CCZ1: variants seen among roughly 807,000 people sequenced by gnomAD.
CCZ1 encodes the protein CCZ1 vacuolar protein trafficking and biogenesis associated.
A neutral mutation model predicts 57.8 loss-of-function variants in CCZ1; 19 were observed. The ratio of observed to expected loss-of-function variants is 0.33; its 90% CI spans 0.23 to 0.48. The LOEUF is 0.48. Among genes scored for constraint, CCZ1 ranks in the 20% least tolerant of loss-of-function variants. The probability of loss-of-function intolerance (pLI) is 0.99; values close to 1 mark genes in which losing one functional copy is unlikely to be tolerated. For missense variants in CCZ1, 200 were observed against 492.0 expected (o/e 0.41, Z 5.61); for synonymous variants, 81 against 167.0 (o/e 0.49, Z 3.97).
chr7:5,901,515 T>G (rs1306398785), intron 4 of CCZ1, 142 bp from the exon 5 acceptor site: 12 of 1,339,236 alleles, frequency 9.0e-6, no homozygotes, highest in Non-Finnish European at 1.9e-6. Context: ...GCAAACACTT[T>G]TTTTTCAGCA....
intron 8 of CCZ1, among the ~76,000 whole-genome samples, chr7:5,910,822 G>A (rs930847512): frequency 1.4e-5 from 2 of 146,950 alleles, no homozygotes; most frequent in African/African-American, 5.1e-5. Flanking sequence ...TGCAACTTCC[G>A]CTTCCTGGAT....
At chr7:5,904,088 AT>A (rs746657675) in intron 6 of CCZ1, among the ~76,000 whole-genome samples, 56 of 84,494 alleles carry the variant, frequency 6.6e-4, no homozygotes, top group Admixed American at 7.5e-4. Flanking sequence ...CAGGGAGTTA[AT>A]TTTTTTTTTT....
At position 5,925,626 on chromosome 7, in the gene CCZ1, T is replaced by TCTTC; in HGVS notation, c.1394-6_1394-5insCTTC. 1 of 1,610,530 alleles carries TCTTC rather than the reference T, an allele frequency of 6.2e-7. No individual in the cohort carries two copies. The highest frequency in any genetic ancestry group is 8.5e-7 in the Non-Finnish European group (1 of 1,177,682). ...TTCCTTCCTCACTGTTGTGTCCTTG[T>TCTTC]TGCAGAAGAGGTCAAGAAACTTTGT... On this transcript the variant is annotated splice_region_variant and splice_polypyrimidine_tract_variant and intron_variant, in intron 14 of 14. Transcript: ENST00000325974.
intron 10 of CCZ1, among the ~76,000 whole-genome samples, chr7:5,916,607 G>A (rs1487117465): frequency 2.1e-5 from 3 of 146,274 alleles, no homozygotes; most frequent in Non-Finnish European, 4.5e-5. Flanking sequence ...AGCCCAGTGA[G>A]TGTTTCCCCA....
rs4036238 is a variant in CCZ1 at position 5,912,377 on chromosome 7, CTTTTTTTTTTTTTTTTTTTT to C, written c.843-452_843-433del. Among the ~76,000 whole-genome samples, 6 of 54,702 alleles carry C rather than the reference CTTTTTTTTTTTTTTTTTTTT, an allele frequency of 1.1e-4. No homozygotes were observed. The East Asian group carries it at 1.8e-3, about 16-fold the overall frequency. The allele number at this position is 54,702 out of a possible 152,430, so 35.9% of individuals were successfully genotyped here. A position where few individuals can be genotyped will look rare whatever the true frequency, so the allele number is the denominator to read the frequency against. On this transcript the variant is annotated intron_variant, in intron 9 of 14. Coordinates refer to ENST00000325974, the MANE Select transcript of CCZ1 (RefSeq NM_015622.6). ...GAGTTAAAACTTACTTCAGCATACCCTTTTTTTTTTTTTTTTTTTTTTTTTTTTTTTTTGAGATGGAGTGT... is the reference window on the plus strand; with the variant it reads ...GAGTTAAAACTTACTTCAGCATACCCTTTTTTTTTTTTTGAGATGGAGTGT...
intron 5 of CCZ1, chr7:5,902,423 T>C (rs1233006765): frequency 1.7e-6 from 1 of 596,274 alleles, no homozygotes; most frequent in African/African-American, 2.0e-5. Context: ...TAAGTTGAAA[T>C]TTTTGAAAGA....
At chr7:5,909,066 TC>T (rs1339206268) in intron 7 of CCZ1, among the ~76,000 whole-genome samples, 2 of 144,934 alleles carry the variant, frequency 1.4e-5, no homozygotes, top group Non-Finnish European at 3.0e-5. Context: ...TCCTGCATAA[TC>T]CTACACGGAA....
At chr7:5,916,505 G>GTTT (rs113216947) in intron 10 of CCZ1, among the ~76,000 whole-genome samples, 2 of 43,364 alleles carry the variant, frequency 4.6e-5, no homozygotes, top group African/African-American at 6.7e-5. Flanking sequence ...TTTGTTTTTT[G>GTTT]TTTTTTTTTT....
intron 6 of CCZ1, 126 bp from the exon 7 acceptor site, chr7:5,904,968 G>C: frequency 2.4e-6 from 3 of 1,275,294 alleles, no homozygotes; most frequent in Non-Finnish European, 3.2e-6. Flanking sequence ...CCTCATTGTT[G>C]CGCTGTTTGC....
At chr7:5,910,745 T>C (rs1781955527) in intron 8 of CCZ1, among the ~76,000 whole-genome samples, 1 of 146,678 alleles carries the variant, frequency 6.8e-6, no homozygotes, top group African/African-American at 2.5e-5. Context: ...TTTATTTATT[T>C]ATTTATTGGG....
At chr7:5,915,050 C>T (rs1180855521) in intron 10 of CCZ1, among the ~76,000 whole-genome samples, 1 of 148,006 alleles carries the variant, frequency 6.8e-6, no homozygotes, top group African/African-American at 2.5e-5. Flanking sequence ...ACAAGGAAAT[C>T]TTGGGGTGAT....
At chr7:5,901,743 C>T in intron 5 of CCZ1, 39 bp downstream of exon 5, 1 of 1,595,666 alleles carries the variant, frequency 6.3e-7, no homozygotes. Context: ...AGTCCAGCCA[C>T]TTACCCCTAT....
chr7:5,910,794 A>G (rs1488952906), intron 8 of CCZ1, among the ~76,000 whole-genome samples: 13 of 147,326 alleles, frequency 8.8e-5, no homozygotes, highest in East Asian at 4.5e-4. Flanking sequence ...GGAGTGCAGT[A>G]GTGCAATCTC....
chr7:5,910,719 TTTATTTA>T (rs1562542028), intron 8 of CCZ1, among the ~76,000 whole-genome samples: 1,398 of 91,388 alleles, frequency 0.015, 69 homozygotes, highest in Non-Finnish European at 0.022. Flanking sequence ...TATTTATTTA[TTTATTTA>T]TTTATTTATT....
chr7:5,910,564 G>A lies in CCZ1; in HGVS notation c.780+448G>A, dbSNP rs1034080934. Among the ~76,000 whole-genome samples, 3 of 145,510 alleles carry A rather than the reference G, an allele frequency of 2.1e-5. 1 individual carries two copies. On this transcript the variant is annotated intron_variant, in intron 8 of 14. Coordinates refer to ENST00000325974, the MANE Select transcript of CCZ1 (RefSeq NM_015622.6). ...GCTGGTCTCGAACTCCTGACCTTGT[G>A]ATCTGCCCACCTTGGCCTCCCAAAG...
chr7:5,905,176 C>A lies in CCZ1; in HGVS notation c.605C>A (p.Thr202Asn). 2 of 1,575,472 alleles carry A rather than the reference C, an allele frequency of 1.3e-6. No individual in the cohort carries two copies. The highest frequency in any genetic ancestry group is 8.6e-7 in the Non-Finnish European group (1 of 1,161,310). ...AGCTTCTTCCCGTTGGATAAAATGA[C>A]TTATTTGAAAATCCAGTCCTTTATT... is the stretch of plus-strand genomic sequence containing the variant. The part of the protein sequence containing the change: ...GISFFPLDKM[T>N]YLKIQSFINR... Residue 202 changes from threonine (T) to asparagine (N), a missense_variant, in exon 7 of 15, where the codon ACT (threonine) becomes AAT (asparagine). Thr to Asn is a moderately conservative substitution (Grantham distance 65, BLOSUM62 0). Coordinates refer to ENST00000325974, the MANE Select transcript of CCZ1 (RefSeq NM_015622.6).
At chr7:5,900,717 T>C in intron 3 of CCZ1, 138 bp from the exon 4 acceptor site, 1 of 1,498,972 alleles carries the variant, frequency 6.7e-7, no homozygotes. Context: ...GTTCTTCCTA[T>C]TTGCTTTATT....
intron 5 of CCZ1, chr7:5,902,431 A>G: frequency 1.5e-6 from 1 of 648,752 alleles, no homozygotes; most frequent in Non-Finnish European, 2.2e-6. Flanking sequence ...AATTTTTGAA[A>G]GATGCCTAGA....
chr7:5,924,251 T>G (rs200736337), intron 14 of CCZ1, among the ~76,000 whole-genome samples: 9,824 of 66,248 alleles, frequency 0.15, 1,251 homozygotes, highest in East Asian at 0.45. Context: ...TGGAGACAGG[T>G]TCTCACTTTG....
Sources: allele counts gnomAD v4.1 joint callset (sites outside exome capture counted in the v4.1 genomes callset), GRCh38; gene constraint gnomAD v4.1.1; transcripts MANE v1.5; gene names NCBI Gene and HGNC (gene_info 2026-07-23, HGNC 2026-07-21).